The following CCDC85C variants were observed in gnomAD, a reference collection of about 807,000 sequenced individuals.
CCDC85C encodes coiled-coil domain-containing protein 85C.
Under a neutral mutation model 38.3 loss-of-function variants are expected in CCDC85C, and 18 were observed. That is an observed-to-expected ratio of 0.47 (90% CI 0.33 to 0.70). CCDC85C has a LOEUF of 0.70. Among genes scored for constraint, CCDC85C ranks in the 30% least tolerant of loss-of-function variants. The pLI, the probability that CCDC85C is intolerant of heterozygous loss-of-function variation, is 0.03. For synonymous variants in CCDC85C, 264 were observed against 293.8 expected (o/e 0.90, Z 1.04); for missense variants, 566 against 621.2 (o/e 0.91, Z 0.94).
rs150302302 is a variant in CCDC85C at position 99,581,371 on chromosome 14, C to A, written c.793+21796G>T. Among the ~76,000 whole-genome samples the A allele has an allele frequency of 6.4e-3, 976 of 152,366 alleles. 6 individuals carry two copies. Among genetic ancestry groups the A allele is most frequent in the South Asian group, 0.016 (75 of 4,830 alleles). On this transcript the variant is annotated intron_variant, in intron 1 of 5. Coordinates refer to ENST00000380243, the MANE Select transcript of CCDC85C (RefSeq NM_001144995.2). The stretch of plus-strand genomic sequence containing the variant: ...TGGACCCCGCCTGCAAAGAACACAG[C>A]CCCTGAAGACAACCGTGGAAGTTCT...
chr14:99,518,996 C>G (rs1897267858), intron 3 of CCDC85C, among the ~76,000 whole-genome samples: 1 of 151,976 alleles, frequency 6.6e-6, no homozygotes, highest in Non-Finnish European at 1.5e-5. Context: ...TCGGGCCACA[C>G]ACACCTCCCA....
chr14:99,557,164 T>C (rs1423516910), intron 1 of CCDC85C, among the ~76,000 whole-genome samples: 1 of 152,182 alleles, frequency 6.6e-6, no homozygotes, highest in African/African-American at 2.4e-5. Flanking sequence ...ATTATTCCTA[T>C]TGAAAAGTGA....
intron 5 of CCDC85C, among the ~76,000 whole-genome samples, chr14:99,515,698 C>G (rs1306474959): frequency 6.6e-6 from 1 of 152,112 alleles, no homozygotes; most frequent in Non-Finnish European, 1.5e-5. Context: ...TGCAAGCACC[C>G]CCAAGGAGAC....
chr14:99,531,118 C>T (rs1897484108), intron 2 of CCDC85C, among the ~76,000 whole-genome samples: 1 of 152,116 alleles, frequency 6.6e-6, no homozygotes, highest in Non-Finnish European at 1.5e-5. Context: ...TGGTACGTGG[C>T]AGGCCAGGGG....
At chr14:99,552,323 A>G (rs1416398278) in intron 1 of CCDC85C, among the ~76,000 whole-genome samples, 2 of 152,224 alleles carry the variant, frequency 1.3e-5, no homozygotes, top group East Asian at 1.9e-4. Context: ...GCCCTCCACA[A>G]GGGTCTCTGG....
At position 99,507,070 on chromosome 14, in the gene CCDC85C, T is replaced by G; in HGVS notation, c.*8176A>C. The G allele has an allele frequency of 1.9e-6, 3 of 1,591,900 alleles. No homozygotes were observed. Among genetic ancestry groups the G allele is most frequent in the Non-Finnish European group, 2.6e-6 (3 of 1,159,754 alleles). On this transcript the variant is annotated 3_prime_UTR_variant, in exon 6 of 6. Transcript: ENST00000380243. ...AGTGGTTTTCTAATCTGCTTTTTCT[T>G]TGTAGAACCACCACCACCTAAAATC...
intron 1 of CCDC85C, among the ~76,000 whole-genome samples, chr14:99,557,783 T>C (rs1595084487): frequency 6.6e-6 from 1 of 151,974 alleles, no homozygotes; most frequent in African/African-American, 2.4e-5. Flanking sequence ...GGTGTGGTGG[T>C]GCACGCCTGT....
Position 99,533,603 on chromosome 14 carries a change from C to G in CCDC85C, c.867+2412G>C, listed in dbSNP as rs1381059958. Among the ~76,000 whole-genome samples, 2 of 152,244 alleles carry G rather than the reference C, an allele frequency of 1.3e-5. No individual in the cohort carries two copies. The highest frequency in any genetic ancestry group is 3.8e-4 in the East Asian group (2 of 5,196). ...CAGGCAAGGGTCAGCAGCTCCCCAG[C>G]CATCAGGATCTGATGTCGGTGCCCT... On this transcript the variant is annotated intron_variant, in intron 2 of 5. Coordinates refer to ENST00000380243, the MANE Select transcript of CCDC85C (RefSeq NM_001144995.2). The surrounding 1 kb of genome is among the most constrained non-coding windows in gnomAD (Gnocchi z 4.2).
chr14:99,526,562 C>G (rs1897388239), intron 2 of CCDC85C, among the ~76,000 whole-genome samples: 2 of 152,174 alleles, frequency 1.3e-5, no homozygotes, highest in South Asian at 4.2e-4. Flanking sequence ...CAGTGACCAC[C>G]CCGTCCCCAA....
Position 99,520,420 on chromosome 14 carries a change from GCC to G in CCDC85C, c.975+1711_975+1712del. 1.3e-5 allele frequency among the ~76,000 whole-genome samples: 2 copies of G among 150,250 alleles called. 1 individual carries two copies. Among genetic ancestry groups the G allele is most frequent in the African/African-American group, 4.9e-5 (2 of 40,848 alleles). On this transcript the variant is annotated intron_variant, in intron 3 of 5. Transcript: ENST00000380243. The surrounding 1 kb of genome is among the most constrained non-coding windows in gnomAD (Gnocchi z 4.1). ...CCTCAACCCCCACTCCTGGGGGCCT[GCC>G]CGCCGACCAGCCCCGATCACGGCCC...
intron 1 of CCDC85C, among the ~76,000 whole-genome samples, chr14:99,596,009 G>T (rs8007133): frequency 2.6e-4 from 39 of 152,390 alleles, no homozygotes; most frequent in African/African-American, 9.1e-4. Context: ...CCCAGATGAA[G>T]AGACAGTAAT....
Position 99,507,222 on chromosome 14 carries a change from C to A in CCDC85C, c.*8024G>T. 1 of 914,658 alleles carries A rather than the reference C, an allele frequency of 1.1e-6. No individual in the cohort carries two copies. The highest frequency in any genetic ancestry group is 1.8e-6 in the Non-Finnish European group (1 of 548,720). 56.7% of individuals were successfully genotyped at this position (914,658 alleles called of 1,614,324 possible). On this transcript the variant is annotated 3_prime_UTR_variant, in exon 6 of 6. Coordinates refer to ENST00000380243, the MANE Select transcript of CCDC85C (RefSeq NM_001144995.2). ...TGTTGGACGCAGCAGGTCCTGGGAACTTAGAAAAGGGAGACTGGGGCCCAG... is the reference window on the plus strand; with the variant it reads ...TGTTGGACGCAGCAGGTCCTGGGAAATTAGAAAAGGGAGACTGGGGCCCAG...
In CCDC85C at chr14:99,520,042, T is replaced by G. The variant is rs1246547014; in HGVS notation, c.975+2091A>C. ...GTATAAACCACCTCCCACCCTCCAC[T>G]GGGCACCTGCCCTGACAGCCAGTGG... On this transcript the variant is annotated intron_variant, in intron 3 of 5. Coordinates refer to ENST00000380243, the MANE Select transcript of CCDC85C (RefSeq NM_001144995.2). The surrounding 1 kb of genome is among the most constrained non-coding windows in gnomAD (Gnocchi z 4.1). 2.0e-5 allele frequency among the ~76,000 whole-genome samples: 3 copies of G among 152,154 alleles called. No individual in the cohort carries two copies. Among genetic ancestry groups the G allele is most frequent in the Non-Finnish European group, 2.9e-5 (2 of 68,008 alleles).
chr14:99,537,809 G>A (rs1897633470), intron 1 of CCDC85C, among the ~76,000 whole-genome samples: 1 of 152,040 alleles, frequency 6.6e-6, no homozygotes, highest in Non-Finnish European at 1.5e-5. Flanking sequence ...CAGTTCCCAT[G>A]CCCACCCAAG....
Position 99,502,942 on chromosome 14 carries a change from C to G in CCDC85C, c.*12304G>C. ...AGCCAGCCCAACAGCCCAAGAAACCCTCTCCGCAGCCCAGTTCTCCCCGAC... is the reference window on the plus strand; with the variant it reads ...AGCCAGCCCAACAGCCCAAGAAACCGTCTCCGCAGCCCAGTTCTCCCCGAC... On this transcript the variant is annotated 3_prime_UTR_variant, in exon 6 of 6. Transcript: ENST00000380243. 2.5e-6 allele frequency: 4 copies of G among 1,613,966 alleles called. No homozygotes were observed. Among genetic ancestry groups the G allele is most frequent in the Non-Finnish European group, 3.4e-6 (4 of 1,179,884 alleles).
At chr14:99,550,339 G>A (rs1397099393) in intron 1 of CCDC85C, among the ~76,000 whole-genome samples, 1 of 152,168 alleles carries the variant, frequency 6.6e-6, no homozygotes. Context: ...ACGGTGGGGT[G>A]GCCACTGTAA....
chr14:99,593,185 C>T (rs933547696), intron 1 of CCDC85C, among the ~76,000 whole-genome samples: 17 of 152,126 alleles, frequency 1.1e-4, no homozygotes, highest in South Asian at 2.1e-4. Context: ...TTGTGGCGGG[C>T]GGGGGAGCAC....
rs1013180906 is a variant in CCDC85C, at chr14:99,513,124, G to A, written c.*2122C>T. 1 of 152,216 alleles carries A rather than the reference G, an allele frequency of 6.6e-6. No homozygotes were observed. Among genetic ancestry groups the A allele is most frequent in the Non-Finnish European group, 1.5e-5 (1 of 68,034 alleles). 9.4% of individuals were successfully genotyped at this position (152,216 alleles called of 1,614,324 possible). A position where few individuals can be genotyped will look rare whatever the true frequency, so the allele number is the denominator to read the frequency against. ...GTCAGTCCCCTTGAGGGGAAAGGTG[G>A]CTTCAAGGCTGTTCTCTGGGCCTGT... On this transcript the variant is annotated 3_prime_UTR_variant, in exon 6 of 6. Coordinates refer to ENST00000380243, the MANE Select transcript of CCDC85C (RefSeq NM_001144995.2).
chr14:99,601,887 T>C (rs1203404981), intron 1 of CCDC85C, among the ~76,000 whole-genome samples: 1 of 152,002 alleles, frequency 6.6e-6, no homozygotes, highest in Non-Finnish European at 1.5e-5. Flanking sequence ...GCACTGCCCC[T>C]GCCCCACCTC....
Sources: gnomAD v4.1 joint callset for allele counts (sites outside exome capture counted in the v4.1 genomes callset) on GRCh38, gnomAD v4.1.1 for gene constraint, Gnocchi (gnomAD v3.1) non-coding constraint, MANE v1.5 for transcripts, NCBI Gene and HGNC (gene_info 2026-07-23, HGNC 2026-07-21) for gene names.